The following ZNF362 variants were observed in gnomAD, a reference collection of about 807,000 sequenced individuals.
The protein encoded by ZNF362 is rotund homolog.
In ZNF362, 11 loss-of-function variants were observed where a neutral mutation model predicts 42.9. That is an observed-to-expected ratio of 0.26 (90% CI 0.16 to 0.42). The LOEUF is 0.42. Ranked by LOEUF, ZNF362 falls within the 20% of genes least tolerant of loss-of-function variation. The pLI, the probability that ZNF362 is intolerant of heterozygous loss-of-function variation, is 1.00. For synonymous variants in ZNF362, 255 were observed against 257.3 expected (o/e 0.99, Z 0.09); for missense variants, 362 against 576.2 (o/e 0.63, Z 3.81).
chr1:33,225,455 A>C, the ZNF362 span, among the ~76,000 whole-genome samples: 7 of 152,316 alleles, frequency 4.6e-5, no homozygotes, highest in South Asian at 1.2e-3. Context: ...ATTTAAAATA[A>C]CTACAGCTCT....
chr1:33,210,825 ATG>A, the ZNF362 span, among the ~76,000 whole-genome samples: 5 of 152,004 alleles, frequency 3.3e-5, no homozygotes, highest in Admixed American at 2.0e-4. Context: ...GTGTCTTTGC[ATG>A]TGAGATGTGT....
the ZNF362 span, chr1:33,143,084 C>T: frequency 2.0e-5 from 3 of 152,356 alleles, no homozygotes; most frequent in Admixed American, 6.5e-5. Flanking sequence ...CCTTTGTCCC[C>T]TCTCTTCACT....
rs762085435 is a variant in ZNF362 at position 33,300,141 on chromosome 1, A to C, written c.*1095A>C. On this transcript the variant is annotated 3_prime_UTR_variant, in exon 9 of 9. Coordinates refer to ENST00000539719, the MANE Select transcript of ZNF362 (RefSeq NM_152493.3). ...TACAGAGCCCAGAGAAGCCCCCTAC[A>C]TCCCCCCGGGAAAAAAAAGAAAACT... 6.6e-6 allele frequency: 1 copy of C among 152,300 alleles called. No homozygotes were observed. Among genetic ancestry groups the C allele is most frequent in the African/African-American group, 2.4e-5 (1 of 41,292 alleles). 9.4% of individuals were successfully genotyped at this position (152,300 alleles called of 1,614,324 possible). A position where few individuals can be genotyped will look rare whatever the true frequency, so the allele number is the denominator to read the frequency against.
the ZNF362 span, chr1:33,163,333 C>T: frequency 3.3e-5 from 5 of 151,772 alleles, no homozygotes; most frequent in Non-Finnish European, 5.9e-5. Context: ...GCCACTGTGC[C>T]TGGCCGATTT....
the ZNF362 span, chr1:33,200,135 T>C: frequency 6.6e-6 from 1 of 152,232 alleles, no homozygotes; most frequent in African/African-American, 2.4e-5. Flanking sequence ...AAGGGTCATA[T>C]TCTGTTTGTG....
intron 8 of ZNF362, 35 bp downstream of exon 8, chr1:33,295,340 G>A (rs748635191): frequency 1.2e-6 from 2 of 1,603,186 alleles, no homozygotes; most frequent in Non-Finnish European, 8.5e-7. Flanking sequence ...TGCCCCGGGG[G>A]AGCCACTTCG....
the ZNF362 span, among the ~76,000 whole-genome samples, chr1:33,203,274 G>C: frequency 1.3e-5 from 2 of 151,984 alleles, no homozygotes; most frequent in South Asian, 2.1e-4. Context: ...TGTCTTCCAA[G>C]TTCATCCATG....
the ZNF362 span, among the ~76,000 whole-genome samples, chr1:33,135,171 T>A: frequency 1.3e-5 from 2 of 152,158 alleles, no homozygotes; most frequent in African/African-American, 4.8e-5. Flanking sequence ...GTGCCTGTAA[T>A]CCCAGCTATT....
the ZNF362 span, among the ~76,000 whole-genome samples, chr1:33,240,272 G>A: frequency 6.6e-6 from 1 of 152,170 alleles, no homozygotes; most frequent in South Asian, 2.1e-4. Context: ...CATACCAAGG[G>A]CGGGAATCAT....
At chr1:33,201,360 A>C in the ZNF362 span, among the ~76,000 whole-genome samples, 1 of 152,220 alleles carries the variant, frequency 6.6e-6, no homozygotes, top group Non-Finnish European at 1.5e-5. Context: ...GCTAACACGG[A>C]ACATTTACTA....
the ZNF362 span, among the ~76,000 whole-genome samples, chr1:33,156,963 C>T: frequency 1.8e-3 from 261 of 141,536 alleles, 1 homozygote; most frequent in African/African-American, 6.0e-3. Flanking sequence ...CCCTGCTTCA[C>T]GCCCACATCA....
At chr1:33,242,697 C>A in the ZNF362 span, among the ~76,000 whole-genome samples, 1 of 152,150 alleles carries the variant, frequency 6.6e-6, no homozygotes, top group Non-Finnish European at 1.5e-5. Flanking sequence ...TGGAATTAAA[C>A]CCCCTGTTGT....
At chr1:33,193,679 T>G in the ZNF362 span, among the ~76,000 whole-genome samples, 6 of 152,074 alleles carry the variant, frequency 3.9e-5, no homozygotes, top group African/African-American at 1.4e-4. Context: ...GGGACGCAAA[T>G]GTGATAAAGT....
chr1:33,138,012 G>A, the ZNF362 span, among the ~76,000 whole-genome samples: 5 of 152,146 alleles, frequency 3.3e-5, no homozygotes, highest in East Asian at 1.9e-4. Context: ...GGTAGGTGGC[G>A]CCGGAGAAGT....
the ZNF362 span, among the ~76,000 whole-genome samples, chr1:33,202,559 C>T: frequency 6.7e-6 from 1 of 149,270 alleles, no homozygotes; most frequent in African/African-American, 2.5e-5. Context: ...GATTGCGCCA[C>T]TGCACTCCAG....
the ZNF362 span, among the ~76,000 whole-genome samples, chr1:33,245,300 G>C: frequency 6.6e-6 from 1 of 152,164 alleles, no homozygotes; most frequent in Non-Finnish European, 1.5e-5. Flanking sequence ...TCTCAGAAAG[G>C]ATTGGAGTTA....
the ZNF362 span, among the ~76,000 whole-genome samples, chr1:33,224,680 A>G: frequency 6.6e-6 from 1 of 152,252 alleles, no homozygotes; most frequent in East Asian, 1.9e-4. Context: ...TGTCTAAATT[A>G]TGTATAATTG....
In ZNF362 at chr1:33,266,578, A is replaced by G. The variant is rs1308304617; in HGVS notation, c.-88-3909A>G. Among the ~76,000 whole-genome samples, 5 of 152,176 alleles carry G rather than the reference A, an allele frequency of 3.3e-5. No homozygotes were observed. The highest frequency in any genetic ancestry group is 1.9e-4 in the East Asian group (1 of 5,192). On this transcript the variant is annotated intron_variant, in intron 1 of 8. Transcript: ENST00000539719. This position sits in a 1 kb window ranked among gnomAD's most constrained non-coding sequence, Gnocchi z 4.3. The stretch of plus-strand genomic sequence containing the variant: ...GAAGACCTGGGTGAGCTGTGGGGCT[A>G]TGTTGGGGTAGGGGTTGTAACTAAG...
At chr1:33,146,996 G>T in the ZNF362 span, 3 of 637,294 alleles carry the variant, frequency 4.7e-6, no homozygotes, top group East Asian at 5.5e-5. Context: ...ATCGATGCTG[G>T]AAGAGAGTTT....
Sources: allele counts gnomAD v4.1 joint callset (sites outside exome capture counted in the v4.1 genomes callset), GRCh38; gene constraint gnomAD v4.1.1; non-coding constraint Gnocchi (gnomAD v3.1); transcripts MANE v1.5; gene names NCBI Gene and HGNC (gene_info 2026-07-23, HGNC 2026-07-21).